The following TRAPPC8 variants were observed in gnomAD, a reference collection of about 807,000 sequenced individuals.
TRAPPC8 encodes the protein general sporulation gene 1 homolog.
In TRAPPC8, 54 loss-of-function variants were observed where a neutral mutation model predicts 174.3. The observed-to-expected ratio is 0.31, with a 90% CI of 0.25 to 0.39. The LOEUF is 0.39. Among genes scored for constraint, TRAPPC8 ranks in the 10% least tolerant of loss-of-function variants. The pLI is 1.00. For synonymous variants in TRAPPC8, 630 were observed against 579.9 expected (o/e 1.09, Z -1.24); for missense variants, 1,531 against 1,699.1 (o/e 0.90, Z 1.74).
intron 12 of TRAPPC8, among the ~76,000 whole-genome samples, chr18:31,879,616 G>T (rs538365390): frequency 6.6e-5 from 10 of 152,002 alleles, no homozygotes; most frequent in Middle Eastern, 3.4e-3. Flanking sequence ...AAAGATCAGA[G>T]CAGATCTTTA....
intron 10 of TRAPPC8, 85 bp downstream of exon 10, chr18:31,900,840 G>T (rs1257378544): frequency 2.0e-6 from 2 of 1,015,936 alleles, no homozygotes; most frequent in Non-Finnish European, 2.8e-6. Flanking sequence ...AACTTGATTT[G>T]GGAGTTTAGG....
chr18:31,850,323 C>A (rs1410024258), intron 24 of TRAPPC8, among the ~76,000 whole-genome samples: 1 of 152,130 alleles, frequency 6.6e-6, no homozygotes, highest in African/African-American at 2.4e-5. Context: ...TAGCTTTGAC[C>A]TTCCAAGTAT....
chr18:31,897,421 C>T (rs932923253), intron 11 of TRAPPC8, among the ~76,000 whole-genome samples: 5 of 152,086 alleles, frequency 3.3e-5, no homozygotes, highest in African/African-American at 1.2e-4. Context: ...AGCAAGCAGA[C>T]TCAGATAACA....
At chr18:31,852,231 C>T (rs2033743094) in intron 24 of TRAPPC8, among the ~76,000 whole-genome samples, 1 of 152,076 alleles carries the variant, frequency 6.6e-6, no homozygotes, top group African/African-American at 2.4e-5. Flanking sequence ...GTCCCAGCTA[C>T]TCAGGAGGCT....
chr18:31,915,385 CAGG>C (rs1170540640), intron 4 of TRAPPC8, among the ~76,000 whole-genome samples: 2 of 147,938 alleles, frequency 1.4e-5, no homozygotes, highest in Non-Finnish European at 3.0e-5. Flanking sequence ...CGCTGGAACT[CAGG>C]AAGCACAGAG....
intron 12 of TRAPPC8, among the ~76,000 whole-genome samples, chr18:31,884,364 G>A (rs1294097733): frequency 6.6e-6 from 1 of 152,204 alleles, no homozygotes; most frequent in African/African-American, 2.4e-5. Flanking sequence ...ACCAGCGTGT[G>A]CTAAAACTGC....
In TRAPPC8 at chr18:31,913,492, C is replaced by T. The variant is rs2037003735; in HGVS notation, c.648G>A (p.Gln216=). The T allele has an allele frequency of 1.3e-6, 2 of 1,597,534 alleles. No individual in the cohort carries two copies. Among genetic ancestry groups the T allele is most frequent in the Admixed American group, 1.8e-5 (1 of 55,354 alleles). The change falls in exon 5 of 29, where the codon CAG becomes CAA. Residue 216 remains glutamine, a synonymous_variant. Transcript: ENST00000283351. ...AATAGCAACCCTGAGTTCCATATTTCTGTTTCATTTCTTCATAAATTGATT... is the reference window on the plus strand; with the variant it reads ...AATAGCAACCCTGAGTTCCATATTTTTGTTTCATTTCTTCATAAATTGATT... ...RAESIYEEMK[Q]KYGTQGCYLL...
At chr18:31,901,100 GGA>G (rs2036404049) in intron 9 of TRAPPC8, 75 bp from the exon 10 acceptor site, 1 of 1,337,510 alleles carries the variant, frequency 7.5e-7, no homozygotes, top group Admixed American at 2.7e-5. Flanking sequence ...ACTAAAAGTT[GGA>G]ATGAAATTTG....
At chr18:31,866,509 A>G (rs954898413) in intron 18 of TRAPPC8, among the ~76,000 whole-genome samples, 2 of 152,192 alleles carry the variant, frequency 1.3e-5, no homozygotes, top group East Asian at 3.8e-4. Context: ...TTCAAAAAAA[A>G]AAGAACATAT....
chr18:31,931,401 AAAC>A lies in TRAPPC8; in HGVS notation c.277_279del (p.Val93del). The A allele has an allele frequency of 1.2e-6, 2 of 1,612,992 alleles. No homozygotes were observed. The highest frequency in any genetic ancestry group is 1.7e-6 in the Non-Finnish European group (2 of 1,179,368). On this transcript the variant is annotated inframe_deletion, in exon 2 of 29. Coordinates refer to ENST00000283351, the MANE Select transcript of TRAPPC8 (RefSeq NM_014939.5). ...AATCCTTCTGCAGGCTGACTGCCAG[AAAC>A]AACATCATTCAAAAGCTTCCGGATG...
rs546909019 is a variant in TRAPPC8 at position 31,925,252 on chromosome 18, C to A, written c.352+6077G>T. The stretch of plus-strand genomic sequence containing the variant: ...AAATAATACGAATGAAAAAAAAAGG[C>A]ACAGGATAGAAGAAAACTTAAAAAA... On this transcript the variant is annotated intron_variant, in intron 2 of 28. Transcript: ENST00000283351. Among the ~76,000 whole-genome samples the A allele has an allele frequency of 2.0e-5, 3 of 147,330 alleles. No homozygotes were observed. In the South Asian group the frequency reaches 6.7e-4, roughly 33 times the overall value.
intron 2 of TRAPPC8, among the ~76,000 whole-genome samples, chr18:31,925,567 G>GA (rs1041711821): frequency 6.6e-6 from 1 of 152,090 alleles, no homozygotes; most frequent in Non-Finnish European, 1.5e-5. Flanking sequence ...AGAACAGAGA[G>GA]AACAATAAGG....
At chr18:31,852,408 T>C (rs768851473) in intron 24 of TRAPPC8, 38 bp downstream of exon 24, 4 of 1,609,170 alleles carry the variant, frequency 2.5e-6, no homozygotes, top group South Asian at 2.2e-5. Context: ...GCTATAACTA[T>C]GACTTAACAT....
intron 28 of TRAPPC8, among the ~76,000 whole-genome samples, chr18:31,831,429 A>T (rs1216193795): frequency 6.6e-6 from 1 of 152,234 alleles, no homozygotes; most frequent in African/African-American, 2.4e-5. Context: ...TATTAATAAT[A>T]GCAACATCAT....
intron 11 of TRAPPC8, among the ~76,000 whole-genome samples, chr18:31,897,164 T>C (rs1366162692): frequency 2.6e-5 from 4 of 152,182 alleles, no homozygotes; most frequent in Non-Finnish European, 5.9e-5. Flanking sequence ...ATCTAAAAAA[T>C]GTGTTATTAA....
At chr18:31,869,207 T>C (rs1009831740) in intron 16 of TRAPPC8, among the ~76,000 whole-genome samples, 1 of 151,864 alleles carries the variant, frequency 6.6e-6, no homozygotes, top group Non-Finnish European at 1.5e-5. Flanking sequence ...GTATCTTAGA[T>C]ACATAAAGGA....
At chr18:31,860,851 G>A (rs1438538994) in intron 19 of TRAPPC8, among the ~76,000 whole-genome samples, 2 of 152,152 alleles carry the variant, frequency 1.3e-5, no homozygotes, top group East Asian at 3.9e-4. Context: ...CCTTTCAAGA[G>A]TCACTATCTA....
chr18:31,832,623 CAT>C (rs2032441338), intron 27 of TRAPPC8: 1 of 152,150 alleles, frequency 6.6e-6, no homozygotes, highest in Non-Finnish European at 1.5e-5. Flanking sequence ...TGCACAACAT[CAT>C]GTTTTGAAGA....
intron 12 of TRAPPC8, among the ~76,000 whole-genome samples, chr18:31,887,180 A>C (rs2035755376): frequency 6.6e-6 from 1 of 152,142 alleles, no homozygotes; most frequent in Non-Finnish European, 1.5e-5. Context: ...CTAGGATGCA[A>C]GGCTGGTTCA....
Sources: gnomAD v4.1 joint callset for allele counts (sites outside exome capture counted in the v4.1 genomes callset) on GRCh38, gnomAD v4.1.1 for gene constraint, MANE v1.5 for transcripts, NCBI Gene and HGNC (gene_info 2026-07-23, HGNC 2026-07-21) for gene names.